Variants in FBXO11 observed in about 807,000 individuals in gnomAD.
FBXO11 encodes the protein F-box only protein 11.
A neutral mutation model predicts 117.0 loss-of-function variants in FBXO11; 13 were observed. The observed-to-expected ratio is 0.11, with a 90% CI of 0.07 to 0.18. The LOEUF (loss-of-function observed/expected upper bound fraction) is 0.18, where lower values mean the gene tolerates loss of function less well. Among genes scored for constraint, FBXO11 ranks in the 10% least tolerant of loss-of-function variants. The pLI, the probability that FBXO11 is intolerant of heterozygous loss-of-function variation, is 1.00. For synonymous variants in FBXO11, 490 were observed against 380.5 expected, an observed-to-expected ratio of 1.29 and a Z score of -3.35; for missense variants, 767 against 1,164.4, an observed-to-expected ratio of 0.66 and a Z score of 4.97.
chr2:47,817,694 A>G (rs1363521637), intron 16 of FBXO11, among the ~76,000 whole-genome samples: 2 of 152,204 alleles, frequency 1.3e-5, no homozygotes. Context: ...TAATTTCGAT[A>G]CTGTTGTGTC....
intron 1 of FBXO11, among the ~76,000 whole-genome samples, chr2:47,892,037 T>A (rs906235995): frequency 6.6e-6 from 1 of 152,202 alleles, no homozygotes; most frequent in African/African-American, 2.4e-5. Flanking sequence ...AGATATATGG[T>A]TTGCAAATAT....
At chr2:47,808,528 C>G in intron 21 of FBXO11, 101 bp from the exon 22 acceptor site, 7 of 1,024,834 alleles carry the variant, frequency 6.8e-6, no homozygotes, top group Non-Finnish European at 9.6e-6. Context: ...TTAAGAGGAC[C>G]AAAACAAAAT....
chr2:47,827,441 G>T (rs968532989), intron 11 of FBXO11, among the ~76,000 whole-genome samples: 1 of 151,890 alleles, frequency 6.6e-6, no homozygotes, highest in Non-Finnish European at 1.5e-5. Context: ...CGAGGAGCTG[G>T]GACTTTTGGT....
intron 13 of FBXO11, among the ~76,000 whole-genome samples, chr2:47,820,881 G>A (rs1406301168): frequency 6.6e-6 from 1 of 152,200 alleles, no homozygotes; most frequent in South Asian, 2.1e-4. Context: ...CTTTATGTAA[G>A]TATTAACCAG....
At chr2:47,878,988 C>A (rs1676229229) in intron 1 of FBXO11, among the ~76,000 whole-genome samples, 1 of 144,198 alleles carries the variant, frequency 6.9e-6, no homozygotes, top group South Asian at 2.2e-4. Flanking sequence ...AACAAAAAAG[C>A]CTCCCTCCCA....
chr2:47,904,383 A>G (rs755326593), intron 1 of FBXO11, among the ~76,000 whole-genome samples: 1 of 152,216 alleles, frequency 6.6e-6, no homozygotes, highest in Non-Finnish European at 1.5e-5. Flanking sequence ...CCAAGGTGCA[A>G]CACCCCCCCT....
intron 11 of FBXO11, among the ~76,000 whole-genome samples, chr2:47,826,881 T>C (rs1671793489): frequency 6.6e-6 from 1 of 152,176 alleles, no homozygotes; most frequent in Admixed American, 6.5e-5. Context: ...TTCTCCTGCA[T>C]CATCTCCTAT....
chr2:47,884,143 C>T (rs556359066), intron 1 of FBXO11, among the ~76,000 whole-genome samples: 3 of 152,062 alleles, frequency 2.0e-5, no homozygotes, highest in Admixed American at 1.3e-4. Context: ...CACTTGAACC[C>T]GGGAGGCAGA....
intron 1 of FBXO11, among the ~76,000 whole-genome samples, chr2:47,863,012 G>A (rs180849835): frequency 2.7e-5 from 4 of 146,092 alleles, no homozygotes; most frequent in East Asian, 2.0e-4. Context: ...CTGAGATCGC[G>A]CCATCACACT....
intron 1 of FBXO11, among the ~76,000 whole-genome samples, chr2:47,854,185 A>C (rs148233759): frequency 2.0e-5 from 3 of 152,246 alleles, no homozygotes; most frequent in African/African-American, 7.2e-5. Flanking sequence ...TTAATGTCTC[A>C]GTTTAAGAAT....
intron 1 of FBXO11, chr2:47,883,444 C>A: frequency 2.5e-6 from 1 of 400,084 alleles, no homozygotes; most frequent in Non-Finnish European, 5.0e-6. Context: ...AACCTCAGAG[C>A]CGCCACCAAA....
intron 4 of FBXO11, among the ~76,000 whole-genome samples, chr2:47,837,802 C>T (rs1332153557): frequency 6.6e-6 from 1 of 152,118 alleles, no homozygotes; most frequent in Non-Finnish European, 1.5e-5. Flanking sequence ...ACGATCACGG[C>T]TTTCTGCAGC....
At chr2:47,900,117 C>G (rs886688939) in intron 1 of FBXO11, among the ~76,000 whole-genome samples, 2 of 152,042 alleles carry the variant, frequency 1.3e-5, no homozygotes, top group African/African-American at 2.4e-5. Context: ...GCTCTTAGGC[C>G]TTATCAGCAG....
intron 11 of FBXO11, among the ~76,000 whole-genome samples, chr2:47,827,916 C>T (rs913420377): frequency 6.7e-6 from 1 of 150,238 alleles, no homozygotes; most frequent in Non-Finnish European, 1.5e-5. Flanking sequence ...AGGCTGGTCT[C>T]GAACTCCTGG....
Position 47,905,915 on chromosome 2 carries a change from G to C in FBXO11, c.-195C>G, listed in dbSNP as rs1318372885. 2 of 598,008 alleles carry C rather than the reference G, an allele frequency of 3.3e-6. No individual in the cohort carries two copies. Among genetic ancestry groups the C allele is most frequent in the South Asian group, 2.7e-5 (1 of 36,692 alleles). 37.0% of individuals were successfully genotyped at this position (598,008 alleles called of 1,614,324 possible). A position where few individuals can be genotyped will look rare whatever the true frequency, so the allele number is the denominator to read the frequency against. On this transcript the variant is annotated 5_prime_UTR_variant, in exon 1 of 23. Coordinates refer to ENST00000403359, the MANE Select transcript of FBXO11 (RefSeq NM_001190274.2). ...CGGAGAAAGGCCCGGGTAGACAGAC[G>C]GAGACCGAGCGAGGCCGGCCGGGAG...
intron 16 of FBXO11, among the ~76,000 whole-genome samples, chr2:47,816,430 C>G (rs977554719): frequency 1.3e-5 from 2 of 152,146 alleles, no homozygotes; most frequent in South Asian, 4.1e-4. Context: ...ATCCTTCCAC[C>G]TCAGCCTCCC....
chr2:47,838,944 A>T lies in FBXO11; in HGVS notation c.502T>A (p.Phe168Ile). 6.2e-7 allele frequency: 1 copy of T among 1,614,098 alleles called. No individual in the cohort carries two copies. Among genetic ancestry groups the T allele is most frequent in the Non-Finnish European group, 8.5e-7 (1 of 1,179,962 alleles). ...KLPDEVVLKI[F>I]SYLLEQDLCR... is the part of the protein sequence containing the mutation. The stretch of plus-strand genomic sequence containing the variant: ...AGATCCTGTTCCAGCAAGTAAGAGA[A>T]GATTTTTAGAACCACTTCATCTGGC... The change falls in exon 4 of 23, where the codon TTC becomes ATC. Residue 168 changes from phenylalanine to isoleucine, a missense_variant. Around this residue, in one of 10 missense-constraint regions of FBXO11, gnomAD observed 355 missense variants for 299.8 expected, o/e 1.18. Transcript: ENST00000403359.
At chr2:47,857,419 C>T (rs993340191) in intron 1 of FBXO11, among the ~76,000 whole-genome samples, 3 of 151,948 alleles carry the variant, frequency 2.0e-5, no homozygotes, top group African/African-American at 7.3e-5. Flanking sequence ...CCACACCTGG[C>T]CAGAAATTTT....
At chr2:47,866,454 A>C (rs947793817) in intron 1 of FBXO11, among the ~76,000 whole-genome samples, 1 of 151,610 alleles carries the variant, frequency 6.6e-6, no homozygotes, top group Non-Finnish European at 1.5e-5. Flanking sequence ...TCTGTTACAC[A>C]TATCTACGCT....
Sources: gnomAD v4.1 joint callset for allele counts (sites outside exome capture counted in the v4.1 genomes callset) on GRCh38, gnomAD v4.1.1 for gene constraint, gnomAD v4.1.1 regional missense constraint, MANE v1.5 for transcripts, NCBI Gene and HGNC (gene_info 2026-07-23, HGNC 2026-07-21) for gene names.